The following SMS variants were observed in gnomAD, a reference collection of about 807,000 sequenced individuals.
The protein encoded by SMS is spermidine aminopropyltransferase.
Under a neutral mutation model 33.0 loss-of-function variants are expected in SMS, and 3 were observed. The observed-to-expected ratio is 0.09, with a 90% CI of 0.04 to 0.23. SMS has a LOEUF of 0.23. Among genes scored for constraint, SMS ranks in the 10% least tolerant of loss-of-function variants. SMS has a pLI of 1.00. For missense variants in SMS, 117 were observed against 288.6 expected, an observed-to-expected ratio of 0.41 and a Z score of 4.31; for synonymous variants, 103 against 112.2, an observed-to-expected ratio of 0.92 and a Z score of 0.52.
chrX:21,993,707 G>A (rs1199676727), intron 10 of SMS, among the ~76,000 whole-genome samples: 2 of 112,519 alleles, frequency 1.8e-5, no homozygotes, highest in Non-Finnish European at 3.8e-5. Flanking sequence ...CCTGTACAGA[G>A]CTTCAGCATC....
intron 1 of SMS, among the ~76,000 whole-genome samples, chrX:21,955,716 T>C (rs1477606893): frequency 9.0e-6 from 1 of 111,613 alleles, no homozygotes; most frequent in Non-Finnish European, 1.9e-5. Context: ...TCAAAAAACA[T>C]GGTCCTTAAG....
intron 4 of SMS, among the ~76,000 whole-genome samples, chrX:21,973,773 T>C (rs1366806666): frequency 8.8e-6 from 1 of 113,263 alleles, no homozygotes; most frequent in African/African-American, 3.2e-5. Context: ...TTAGTCACAA[T>C]AGCTAGTGGT....
chrX:21,989,133 G>A (rs1208156947), intron 9 of SMS, among the ~76,000 whole-genome samples: 1 of 110,942 alleles, frequency 9.0e-6, no homozygotes, highest in Non-Finnish European at 1.9e-5. Flanking sequence ...CTTTTGAACT[G>A]GATAAAAGTT....
chrX:21,952,936 AT>A (rs749608614), intron 1 of SMS, among the ~76,000 whole-genome samples: 8 of 98,850 alleles, frequency 8.1e-5, no homozygotes, highest in African/African-American at 2.2e-4. Flanking sequence ...TAATTTTCGT[AT>A]TTTTTTTTAG....
chrX:21,951,131 A>C (rs1471626505), intron 1 of SMS, among the ~76,000 whole-genome samples: 1 of 111,951 alleles, frequency 8.9e-6, no homozygotes, highest in African/African-American at 3.3e-5. Flanking sequence ...TTTAATAAGG[A>C]CCATTCTAAC....
chrX:21,970,665 C>CT (rs970003018), intron 2 of SMS, among the ~76,000 whole-genome samples: 12 of 109,374 alleles, frequency 1.1e-4, no homozygotes, highest in Non-Finnish European at 2.1e-4. Context: ...ACCTCCCGGG[C>CT]TTAAGGAATC....
intron 9 of SMS, among the ~76,000 whole-genome samples, chrX:21,986,072 G>T (rs370404426): frequency 1.9e-4 from 21 of 110,355 alleles, no homozygotes; most frequent in Admixed American, 4.9e-4. Flanking sequence ...GAAGAGGCCA[G>T]GTGTGGTGGC....
chrX:21,979,536 T>C lies in SMS; in HGVS notation c.750+570T>C, dbSNP rs377672686. ...TGTCCTTGCAGAGGACATGAACTCA[T>C]TCTTTTTTATGGCTGCATAGTATTC... On this transcript the variant is annotated intron_variant, in intron 7 of 10. Transcript: ENST00000404933. Among the ~76,000 whole-genome samples, 27 of 111,402 alleles carry C rather than the reference T, an allele frequency of 2.4e-4. No individual in the cohort carries two copies. The East Asian group carries it at 5.6e-3, about 23-fold the overall frequency.
chrX:21,941,003 T>A, intron 1 of SMS, 130 bp downstream of exon 1: 2 of 192,576 alleles, frequency 1.0e-5, no homozygotes, highest in Non-Finnish European at 1.6e-5. Flanking sequence ...CGCCGCACTC[T>A]CCCGGACTGC....
At chrX:21,950,771 G>A (rs755398314) in intron 1 of SMS, among the ~76,000 whole-genome samples, 45 of 111,342 alleles carry the variant, frequency 4.0e-4, no homozygotes, top group Non-Finnish European at 7.0e-4. Context: ...GCAAAGGACA[G>A]GAACTCATTC....
intron 5 of SMS, 74 bp from the exon 6 acceptor site, chrX:21,977,886 T>C (rs1026695432): frequency 4.0e-6 from 4 of 996,049 alleles, no homozygotes; most frequent in African/African-American, 1.9e-5. Flanking sequence ...AGATCCCAGC[T>C]CTTCAGTGTG....
In SMS at chrX:21,975,726, A is replaced by G. The variant is rs144395172; in HGVS notation, c.330-1335A>G. Among the ~76,000 whole-genome samples, 472 of 110,918 alleles carry G rather than the reference A, an allele frequency of 4.3e-3. 2 individuals are homozygous for G. Among genetic ancestry groups the G allele is most frequent in the African/African-American group, 0.015 (450 of 30,490 alleles). On this transcript the variant is annotated intron_variant, in intron 4 of 10. Coordinates refer to ENST00000404933, the MANE Select transcript of SMS (RefSeq NM_004595.5). Reference sequence around the variant, plus strand: ...GGAAGGTGAAGAAGTGGTTAAATGAAGAGTTGTCAGGATGACATGAATTTA... The same window carrying G: ...GGAAGGTGAAGAAGTGGTTAAATGAGGAGTTGTCAGGATGACATGAATTTA...
chrX:21,949,382 A>G (rs2147490065), intron 1 of SMS, among the ~76,000 whole-genome samples: 1 of 112,282 alleles, frequency 8.9e-6, no homozygotes, highest in East Asian at 2.8e-4. Flanking sequence ...AAATTGTGCC[A>G]GTGGATAAAG....
chrX:21,967,463 T>A, intron 2 of SMS, 147 bp downstream of exon 2: 1 of 593,047 alleles, frequency 1.7e-6, no homozygotes, highest in Non-Finnish European at 2.8e-6. Context: ...TTCTCAACCG[T>A]AGCTGCACAT....
intron 9 of SMS, among the ~76,000 whole-genome samples, chrX:21,987,476 C>A (rs903480599): frequency 8.9e-6 from 1 of 112,086 alleles, no homozygotes; most frequent in Non-Finnish European, 1.9e-5. Flanking sequence ...GGATTTCAGG[C>A]ATCCATTGCC....
At chrX:21,948,024 ACT>A (rs751983862) in intron 1 of SMS, among the ~76,000 whole-genome samples, 1 of 109,974 alleles carries the variant, frequency 9.1e-6, no homozygotes, top group East Asian at 2.9e-4. Flanking sequence ...TCTTTTCCCA[ACT>A]CTGCAAAAGA....
chrX:21,951,298 T>G (rs1376107569), intron 1 of SMS, among the ~76,000 whole-genome samples: 3 of 112,392 alleles, frequency 2.7e-5, no homozygotes, highest in Non-Finnish European at 5.6e-5. Flanking sequence ...AGGTTATGTT[T>G]TTCTTATAAA....
chrX:21,956,939 A>T (rs1487845707), intron 1 of SMS, among the ~76,000 whole-genome samples: 1 of 111,708 alleles, frequency 9.0e-6, no homozygotes, highest in African/African-American at 3.3e-5. Context: ...CAGGCACTTT[A>T]GTGTTAGGAA....
chrX:21,951,477 G>T (rs1025597574), intron 1 of SMS, among the ~76,000 whole-genome samples: 21 of 111,918 alleles, frequency 1.9e-4, no homozygotes, highest in African/African-American at 5.8e-4. Flanking sequence ...TTTTGTTGCA[G>T]TTGCTTTTGG....
Sources: gnomAD v4.1 joint callset for allele counts (sites outside exome capture counted in the v4.1 genomes callset) on GRCh38, gnomAD v4.1.1 for gene constraint, MANE v1.5 for transcripts, NCBI Gene and HGNC (gene_info 2026-07-23, HGNC 2026-07-21) for gene names.